AP3M1: variants seen among roughly 807,000 people sequenced by gnomAD.
AP3M1 encodes AP-3 complex subunit mu-1.
AP3M1 carries 29 observed loss-of-function variants against 42.6 expected under a neutral mutation model. The ratio of observed to expected loss-of-function variants is 0.68; its 90% confidence interval spans 0.51 to 0.93. AP3M1 has a LOEUF of 0.93. Ranked by LOEUF, AP3M1 falls within the 40% of genes least tolerant of loss-of-function variation. The probability of loss-of-function intolerance (pLI) is 0.00; values close to 1 mark genes in which losing one functional copy is unlikely to be tolerated. For missense variants in AP3M1, 416 were observed against 510.2 expected, an observed-to-expected ratio of 0.82 and a Z score of 1.78; for synonymous variants, 178 against 175.3, an observed-to-expected ratio of 1.02 and a Z score of -0.12.
intron 5 of AP3M1, 137 bp from the exon 6 acceptor site, chr10:74,129,378 G>A (rs1840709034): frequency 2.8e-6 from 2 of 718,922 alleles, no homozygotes; most frequent in Non-Finnish European, 2.2e-6. Context: ...CAACCTTATA[G>A]TTTCATAATG....
chr10:74,140,311 G>A (rs993823739), intron 1 of AP3M1, among the ~76,000 whole-genome samples: 8 of 152,228 alleles, frequency 5.3e-5, no homozygotes, highest in African/African-American at 1.7e-4. Context: ...CCAGCTGGTC[G>A]CCGTAGGTTA....
At chr10:74,149,865 G>A (rs931289673) in intron 1 of AP3M1, among the ~76,000 whole-genome samples, 3 of 152,086 alleles carry the variant, frequency 2.0e-5, no homozygotes, top group Admixed American at 6.6e-5. Context: ...TGCCCCAAAT[G>A]ATGAAGGATT....
At chr10:74,136,881 T>C in intron 2 of AP3M1, 78 bp from the exon 3 acceptor site, 1 of 1,010,094 alleles carries the variant, frequency 9.9e-7, no homozygotes, top group Non-Finnish European at 1.4e-6. Flanking sequence ...TTCTGAAGAA[T>C]AAACTTAGAG....
intron 1 of AP3M1, chr10:74,138,836 CAGG>C (rs1841032016): frequency 6.7e-6 from 1 of 149,848 alleles, no homozygotes; most frequent in Non-Finnish European, 1.4e-5. Context: ...GAGGATGAAG[CAGG>C]AGAATTGCTT....
At chr10:74,127,197 A>G (rs1840644514) in intron 6 of AP3M1, among the ~76,000 whole-genome samples, 1 of 152,090 alleles carries the variant, frequency 6.6e-6, no homozygotes, top group South Asian at 2.1e-4. Context: ...TTTTGCAACC[A>G]GTCCTCCAAG....
chr10:74,139,079 A>G (rs1841041938), intron 1 of AP3M1: 1 of 152,062 alleles, frequency 6.6e-6, no homozygotes, highest in Non-Finnish European at 1.5e-5. Context: ...TCTATTCAAC[A>G]TGGTACTAGA....
chr10:74,140,551 G>A lies in AP3M1; in HGVS notation c.-3-2169C>T, dbSNP rs1841113506. On this transcript the variant is annotated intron_variant, in intron 1 of 8. Transcript: ENST00000355264. ...ATTTACTATGAAACAAGAATTGGGG[G>A]GATGCTTACAAAAATATGTAGAATT... Among the ~76,000 whole-genome samples, 3 of 150,912 alleles carry A rather than the reference G, an allele frequency of 2.0e-5. No individual in the cohort carries two copies. The South Asian group carries it at 6.2e-4, about 31-fold the overall frequency.
At chr10:74,124,582 A>G in intron 7 of AP3M1, 58 bp from the exon 8 acceptor site, 1 of 1,436,238 alleles carries the variant, frequency 7.0e-7, no homozygotes, top group East Asian at 2.3e-5. Flanking sequence ...CAAACCCTCA[A>G]AAACAAAGTT....
intron 1 of AP3M1, among the ~76,000 whole-genome samples, chr10:74,149,121 T>C (rs2132008216): frequency 6.6e-6 from 1 of 152,068 alleles, no homozygotes; most frequent in Admixed American, 6.6e-5. Context: ...TCCACCCACC[T>C]CAGCCTCTCA....
At chr10:74,127,310 T>TACA (rs530626067) in intron 6 of AP3M1, among the ~76,000 whole-genome samples, 38 of 152,072 alleles carry the variant, frequency 2.5e-4, no homozygotes, top group African/African-American at 9.2e-4. Flanking sequence ...GGGAACTGTA[T>TACA]ACAAATCAAG....
intron 2 of AP3M1, among the ~76,000 whole-genome samples, chr10:74,137,402 T>TA (rs1241547720): frequency 1.3e-5 from 2 of 152,250 alleles, no homozygotes; most frequent in African/African-American, 4.8e-5. Flanking sequence ...ATTTGAGCTA[T>TA]AAACTTCATT....
intron 6 of AP3M1, 81 bp downstream of exon 6, chr10:74,129,027 T>A: frequency 6.4e-7 from 1 of 1,554,318 alleles, no homozygotes; most frequent in Admixed American, 1.7e-5. Flanking sequence ...CCTCAAGTAC[T>A]CAACTTTCAG....
At chr10:74,136,451 C>T (rs1840946826) in intron 3 of AP3M1, among the ~76,000 whole-genome samples, 181 bp downstream of exon 3, 1 of 151,766 alleles carries the variant, frequency 6.6e-6, no homozygotes, top group Non-Finnish European at 1.5e-5. Context: ...AGTTCTTTAT[C>T]ACTTAAGGTC....
intron 1 of AP3M1, among the ~76,000 whole-genome samples, chr10:74,149,403 C>T (rs1463888662): frequency 6.7e-6 from 1 of 148,504 alleles, no homozygotes; most frequent in African/African-American, 2.5e-5. Flanking sequence ...GATTCTCCTG[C>T]CTCAGCCTAC....
At chr10:74,124,315 A>C in intron 8 of AP3M1, 65 bp downstream of exon 8, 1 of 1,544,730 alleles carries the variant, frequency 6.5e-7, no homozygotes, top group African/African-American at 1.4e-5. Context: ...TTACTCTTCT[A>C]AATGCCTAAT....
intron 4 of AP3M1, 125 bp downstream of exon 4, chr10:74,133,902 C>T: frequency 8.5e-7 from 1 of 1,181,154 alleles, no homozygotes; most frequent in Non-Finnish European, 1.2e-6. Flanking sequence ...TTCCGCCTGC[C>T]TTGGCCTCCC....
At chr10:74,134,809 TAAC>T (rs1315608169) in intron 3 of AP3M1, among the ~76,000 whole-genome samples, 7 of 152,180 alleles carry the variant, frequency 4.6e-5, no homozygotes, top group Non-Finnish European at 8.8e-5. Flanking sequence ...ACTACATACT[TAAC>T]AACAACAAAA....
chr10:74,147,773 G>C (rs779602299), intron 1 of AP3M1, among the ~76,000 whole-genome samples: 13 of 152,098 alleles, frequency 8.5e-5, no homozygotes, highest in Admixed American at 2.6e-4. Context: ...GGCTGAGGCG[G>C]GCAGATCACG....
chr10:74,128,529 G>C (rs1564544771), intron 6 of AP3M1, among the ~76,000 whole-genome samples: 1 of 152,054 alleles, frequency 6.6e-6, no homozygotes, highest in Non-Finnish European at 1.5e-5. Context: ...GTGAACCACT[G>C]CACCCGGCCC....
Sources: allele counts gnomAD v4.1 joint callset (sites outside exome capture counted in the v4.1 genomes callset), GRCh38; gene constraint gnomAD v4.1.1; transcripts MANE v1.5; gene names NCBI Gene and HGNC (gene_info 2026-07-23, HGNC 2026-07-21).